The following PCDHA6 variants were observed in gnomAD, a reference collection of about 807,000 sequenced individuals.
The protein encoded by PCDHA6 is protocadherin alpha-6.
Under a neutral mutation model 60.3 loss-of-function variants are expected in PCDHA6, and 55 were observed. The ratio of observed to expected loss-of-function variants is 0.91; its 90% CI spans 0.73 to 1.14. The LOEUF (loss-of-function observed/expected upper bound fraction) is 1.14. Among genes scored for constraint, PCDHA6 ranks in the 50% most tolerant of loss-of-function variants. PCDHA6 has a pLI of 0.00. For missense variants in PCDHA6, 1,327 were observed against 1,256.5 expected (o/e 1.06, Z -0.85); for synonymous variants, 652 against 557.9 (o/e 1.17, Z -2.38).
chr5:140,870,106 G>A, intron 1 of PCDHA6: 3 of 1,613,922 alleles, frequency 1.9e-6, no homozygotes, highest in Non-Finnish European at 2.5e-6. Context: ...TCACTGTACA[G>A]TCTGGGTGGA....
At position 140,843,683 on chromosome 5, in the gene PCDHA6, G is replaced by C. The variant is rs2150364990; in HGVS notation, c.2394+13198G>C. ...TCTGGGATCAGTTGATGTAGGCGAA[G>C]AGCAAGATTTAAATGTTGATCATGG... On this transcript the variant is annotated intron_variant, in intron 1 of 3. Coordinates refer to ENST00000529310, the MANE Select transcript of PCDHA6 (RefSeq NM_018909.4). 1.7e-5 allele frequency: 27 copies of C among 1,589,836 alleles called. 2 individuals are homozygous for C. The highest frequency in any genetic ancestry group is 1.7e-4 in the Middle Eastern group (1 of 6,012).
intron 3 of PCDHA6, among the ~76,000 whole-genome samples, chr5:140,991,132 TAA>T (rs1345264253): frequency 2.0e-5 from 3 of 152,230 alleles, no homozygotes; most frequent in Non-Finnish European, 4.4e-5. Flanking sequence ...ACACAGCTAG[TAA>T]AAATGTTTTT....
At chr5:140,958,844 G>A (rs533464436) in intron 1 of PCDHA6, among the ~76,000 whole-genome samples, 81 of 152,122 alleles carry the variant, frequency 5.3e-4, no homozygotes, top group African/African-American at 1.9e-3. Context: ...TATCATTCCA[G>A]TGTCTTTGGT....
chr5:140,850,934 T>G (rs2150502964), intron 1 of PCDHA6: 2 of 1,514,156 alleles, frequency 1.3e-6, no homozygotes, highest in African/African-American at 1.4e-5. Flanking sequence ...TTTTTTTTCT[T>G]GAAAGATATT....
intron 1 of PCDHA6, among the ~76,000 whole-genome samples, chr5:140,972,087 A>G (rs1372467840): frequency 3.3e-5 from 5 of 152,192 alleles, no homozygotes; most frequent in Non-Finnish European, 7.3e-5. Context: ...AAAAAGAGTA[A>G]TTTCTGGCAT....
At chr5:140,968,641 C>T (rs782760741) in intron 1 of PCDHA6, 12 of 1,614,006 alleles carry the variant, frequency 7.4e-6, no homozygotes, top group East Asian at 4.5e-5. Context: ...ACCATCTAGC[C>T]CAGACTTCTG....
At position 141,009,879 on chromosome 5, in the gene PCDHA6, A is replaced by G; in HGVS notation, c.2795A>G (p.Asn932Ser). Reference protein sequence around the residue: ...TKKKKKKKKGNKTQEKKEKGN... With the variant: ...TKKKKKKKKGSKTQEKKEKGN... ...AAAAAGAAGAAAAAGAAGAAGGGTA[A>G]CAAGACCCAGGAGAAAAAAGAGAAA... Residue 932 changes from asparagine (N) to serine (S), a missense_variant, in exon 4 of 4, where the codon AAC (asparagine) becomes AGC (serine). Asn to Ser is a conservative substitution (Grantham distance 46). Coordinates refer to ENST00000529310, the MANE Select transcript of PCDHA6 (RefSeq NM_018909.4). 12 of 1,613,884 alleles carry G rather than the reference A, an allele frequency of 7.4e-6. No individual in the cohort carries two copies. Among genetic ancestry groups the G allele is most frequent in the Non-Finnish European group, 1.0e-5 (12 of 1,179,984 alleles).
rs116952410 is a variant in PCDHA6, at chr5:140,893,392, C to A, written c.2394+62907C>A. On this transcript the variant is annotated intron_variant, in intron 1 of 3. Coordinates refer to ENST00000529310, the MANE Select transcript of PCDHA6 (RefSeq NM_018909.4). ...AGCATTTATGGGACAGTGGCTCATG[C>A]CTGTAATCCCAGCACTTAGGGAGGC... 2.0e-5 allele frequency among the ~76,000 whole-genome samples: 3 copies of A among 152,230 alleles called. No individual in the cohort carries two copies. The East Asian group carries it at 5.8e-4, about 29-fold the overall frequency.
intron 3 of PCDHA6, among the ~76,000 whole-genome samples, chr5:140,985,438 C>T (rs1438547429): frequency 2.0e-5 from 3 of 152,038 alleles, no homozygotes; most frequent in Non-Finnish European, 2.9e-5. Flanking sequence ...TTAGTTGCTG[C>T]CTGAAGAAAA....
chr5:140,894,197 A>C (rs1378272032), intron 1 of PCDHA6, among the ~76,000 whole-genome samples: 1 of 152,008 alleles, frequency 6.6e-6, no homozygotes, highest in Non-Finnish European at 1.5e-5. Context: ...TATTTTTTCT[A>C]TGCTATTATA....
At chr5:140,921,967 G>GA (rs2080533534) in intron 1 of PCDHA6, among the ~76,000 whole-genome samples, 1 of 151,284 alleles carries the variant, frequency 6.6e-6, no homozygotes, top group Non-Finnish European at 1.5e-5. Context: ...AAAACCAAAG[G>GA]AAAAAATAGA....
intron 1 of PCDHA6, chr5:140,966,833 C>G: frequency 2.6e-6 from 4 of 1,563,480 alleles, no homozygotes; most frequent in Non-Finnish European, 3.5e-6. Flanking sequence ...CATGCCCTGG[C>G]TGCTGCTACT....
At chr5:140,880,663 G>A (rs1324939406) in intron 1 of PCDHA6, among the ~76,000 whole-genome samples, 1 of 152,210 alleles carries the variant, frequency 6.6e-6, no homozygotes, top group African/African-American at 2.4e-5. Flanking sequence ...AGGTAAAGGT[G>A]AGAGTAAATT....
intron 1 of PCDHA6, chr5:140,929,696 A>G (rs955159626): frequency 2.6e-5 from 7 of 266,458 alleles, no homozygotes; most frequent in African/African-American, 1.3e-4. Flanking sequence ...TCTGCTTTAT[A>G]TGAATATAAT....
intron 1 of PCDHA6, among the ~76,000 whole-genome samples, chr5:140,879,606 G>A (rs1554170878): frequency 6.6e-6 from 1 of 152,196 alleles, no homozygotes; most frequent in Non-Finnish European, 1.5e-5. Context: ...AAAACAATGT[G>A]TCCAGGTACT....
chr5:140,955,468 T>C (rs1394591179), intron 1 of PCDHA6, among the ~76,000 whole-genome samples: 1 of 152,116 alleles, frequency 6.6e-6, no homozygotes, highest in Non-Finnish European at 1.5e-5. Context: ...TCCTTTTTGC[T>C]TGGCACCTCT....
At chr5:140,963,925 T>C (rs1293339875) in intron 1 of PCDHA6, among the ~76,000 whole-genome samples, 1 of 152,230 alleles carries the variant, frequency 6.6e-6, no homozygotes, top group Non-Finnish European at 1.5e-5. Flanking sequence ...CTAAGTAACA[T>C]GTCCATAGCC....
At position 140,849,929 on chromosome 5, in the gene PCDHA6, T is replaced by G. The variant is rs1450636702; in HGVS notation, c.2394+19444T>G. 8.1e-6 allele frequency: 13 copies of G among 1,598,096 alleles called. 1 individual carries two copies. The African/African-American group carries it at 1.2e-4, about 15-fold the overall frequency. On this transcript the variant is annotated intron_variant, in intron 1 of 3. Transcript: ENST00000529310. ...CGGGCTGCCACATCTTCACGGTGTC[T>G]GCGCGGGACGCTGACGCGCAGGAGA...
intron 1 of PCDHA6, chr5:140,847,470 C>T (rs2150400882): frequency 3.3e-5 from 5 of 149,674 alleles, no homozygotes; most frequent in African/African-American, 1.2e-4. Context: ...TCGACTTGGA[C>T]GTTGGAATAA....
Sources: gnomAD v4.1 joint callset for allele counts (sites outside exome capture counted in the v4.1 genomes callset) on GRCh38, gnomAD v4.1.1 for gene constraint, MANE v1.5 for transcripts, NCBI Gene and HGNC (gene_info 2026-07-23, HGNC 2026-07-21) for gene names.